Variants in ST8SIA5 observed in about 807,000 individuals in gnomAD.
ST8SIA5 encodes alpha-2,8-sialyltransferase 8E.
A neutral mutation model predicts 40.2 loss-of-function variants in ST8SIA5; 24 were observed. That is an observed-to-expected ratio of 0.60 (90% CI 0.43 to 0.84). The LOEUF is 0.84. Among genes scored for constraint, ST8SIA5 ranks in the 40% least tolerant of loss-of-function variants. The probability of loss-of-function intolerance (pLI) is 0.00; values close to 1 mark genes in which losing one functional copy is unlikely to be tolerated. For synonymous variants in ST8SIA5, 198 were observed against 201.8 expected, an observed-to-expected ratio of 0.98 and a Z score of 0.16; for missense variants, 465 against 498.5, an observed-to-expected ratio of 0.93 and a Z score of 0.64.
intron 1 of ST8SIA5, among the ~76,000 whole-genome samples, 194 bp from the exon 2 acceptor site, chr18:46,704,858 T>C (rs1031877605): frequency 1.3e-5 from 2 of 152,194 alleles, no homozygotes; most frequent in African/African-American, 4.8e-5. Flanking sequence ...GGTGGTCAGT[T>C]ACTCTCAGCG....
rs928235833 is a variant in ST8SIA5 at position 46,756,546 on chromosome 18, G to A, written c.-38C>T. ...GCGCCGCGGGCGCGGGGTACGGGGCGGCCAGGCAATGACTCGCGGGGTTCC... is the reference window on the plus strand; with the variant it reads ...GCGCCGCGGGCGCGGGGTACGGGGCAGCCAGGCAATGACTCGCGGGGTTCC... On this transcript the variant is annotated 5_prime_UTR_variant, in exon 1 of 7. Transcript: ENST00000315087. The A allele has an allele frequency of 5.0e-6, 8 of 1,607,878 alleles. No homozygotes were observed. In the East Asian group the frequency reaches 1.8e-4, roughly 36 times the overall value.
rs765551790 is a variant in ST8SIA5, at chr18:46,680,010, C to T, written c.*32G>A. On this transcript the variant is annotated 3_prime_UTR_variant, in exon 7 of 7. Coordinates refer to ENST00000315087, the MANE Select transcript of ST8SIA5 (RefSeq NM_013305.6). Reference sequence around the variant, plus strand: ...CCAGGAGGGACAGCAGGAGAGGGGGCGCCGCTTGCCGGGCAGCCTGGCTGG... The same window carrying T: ...CCAGGAGGGACAGCAGGAGAGGGGGTGCCGCTTGCCGGGCAGCCTGGCTGG... 8.9e-6 allele frequency: 14 copies of T among 1,570,390 alleles called. No homozygotes were observed. Among genetic ancestry groups the T allele is most frequent in the African/African-American group, 4.0e-5 (3 of 74,318 alleles).
At position 46,756,522 on chromosome 18, in the gene ST8SIA5, C is replaced by A. The variant is rs183939959; in HGVS notation, c.-14G>T. 3,356 of 1,611,406 alleles carry A rather than the reference C, an allele frequency of 2.1e-3. 29 individuals are homozygous for A. In the African/African-American group the frequency reaches 0.021, roughly 10 times the overall value. On this transcript the variant is annotated 5_prime_UTR_variant, in exon 1 of 7. Transcript: ENST00000315087. ...CGCGTAGCGCATCCTGGCTACCGGGCGCCGCGGGCGCGGGGTACGGGGCGG... is the reference window on the plus strand; with the variant it reads ...CGCGTAGCGCATCCTGGCTACCGGGAGCCGCGGGCGCGGGGTACGGGGCGG...
rs866850551 is a variant in ST8SIA5, at chr18:46,719,446, A to G, written c.132-14782T>C. Among the ~76,000 whole-genome samples the G allele has an allele frequency of 4.6e-5, 7 of 152,314 alleles. No individual in the cohort carries two copies. The South Asian group carries it at 8.3e-4, about 18-fold the overall frequency. On this transcript the variant is annotated intron_variant, in intron 1 of 6. Coordinates refer to ENST00000315087, the MANE Select transcript of ST8SIA5 (RefSeq NM_013305.6). ...ATGGACAAAAACAGGTAACAGGAAG[A>G]AAGGCAGAGGAGAACACAGGTGCAG...
At position 46,723,501 on chromosome 18, in the gene ST8SIA5, G is replaced by A. The variant is rs563762613; in HGVS notation, c.132-18837C>T. ...TGGGAGGTGGAGGTTGAAGTAAGCC[G>A]AGATCACACTACTGCACTCTAGCCT... On this transcript the variant is annotated intron_variant, in intron 1 of 6. Coordinates refer to ENST00000315087, the MANE Select transcript of ST8SIA5 (RefSeq NM_013305.6). Among the ~76,000 whole-genome samples, 27 of 151,334 alleles carry A rather than the reference G, an allele frequency of 1.8e-4. 1 individual carries two copies. Among genetic ancestry groups the A allele is most frequent in the Middle Eastern group, 3.4e-3 (1 of 292 alleles).
chr18:46,686,054 G>T (rs1029973493), intron 5 of ST8SIA5, 120 bp downstream of exon 5: 1 of 901,286 alleles, frequency 1.1e-6, no homozygotes, highest in Non-Finnish European at 1.8e-6. Flanking sequence ...AGACCTGAGG[G>T]TCTGCAGGGG....
At chr18:46,699,481 G>A (rs1053810654) in intron 2 of ST8SIA5, among the ~76,000 whole-genome samples, 100 of 151,926 alleles carry the variant, frequency 6.6e-4, no homozygotes, top group Non-Finnish European at 7.8e-4. Flanking sequence ...CTGGGTTCAC[G>A]CCATTCTCCT....
intron 1 of ST8SIA5, among the ~76,000 whole-genome samples, chr18:46,715,438 G>A (rs1002642891): frequency 7.9e-5 from 12 of 152,224 alleles, no homozygotes; most frequent in Admixed American, 7.2e-4. Context: ...GGAGGGAGGA[G>A]GACACAGAAG....
At chr18:46,721,038 G>A (rs2039856852) in intron 1 of ST8SIA5, among the ~76,000 whole-genome samples, 1 of 152,046 alleles carries the variant, frequency 6.6e-6, no homozygotes. Flanking sequence ...CTTGCTGGCT[G>A]ATATCCGAAA....
intron 3 of ST8SIA5, chr18:46,691,879 A>G (rs1336265120): frequency 1.4e-5 from 6 of 427,308 alleles, no homozygotes; most frequent in South Asian, 1.2e-4. Flanking sequence ...TTCCCTGCTA[A>G]TAGCTTCAGT....
intron 1 of ST8SIA5, among the ~76,000 whole-genome samples, chr18:46,719,848 T>C (rs200662429): frequency 2.4e-5 from 3 of 123,990 alleles, no homozygotes; most frequent in African/African-American, 2.9e-5. Flanking sequence ...CTCTCTCTCT[T>C]TCTTTTTTTT....
intron 1 of ST8SIA5, among the ~76,000 whole-genome samples, chr18:46,716,089 T>TAGAC (rs2039786707): frequency 9.0e-6 from 1 of 111,288 alleles, no homozygotes; most frequent in Non-Finnish European, 1.7e-5. Flanking sequence ...TCACACAGGA[T>TAGAC]AGATAGATAG....
chr18:46,691,856 C>T (rs188154077), intron 3 of ST8SIA5: 14 of 378,758 alleles, frequency 3.7e-5, no homozygotes, highest in Non-Finnish European at 6.1e-5. Context: ...TGCTGGAGAC[C>T]GCCCACACAT....
intron 2 of ST8SIA5, among the ~76,000 whole-genome samples, chr18:46,692,822 C>T (rs2039520108): frequency 6.6e-6 from 1 of 151,970 alleles, no homozygotes; most frequent in Non-Finnish European, 1.5e-5. Context: ...AATCAGAGCC[C>T]ACACCCTCAA....
Position 46,680,518 on chromosome 18 carries a change from G to A in ST8SIA5, c.663-8C>T. 1 of 1,566,858 alleles carries A rather than the reference G, an allele frequency of 6.4e-7. No homozygotes were observed. Among genetic ancestry groups the A allele is most frequent in the Non-Finnish European group, 8.7e-7 (1 of 1,152,556 alleles). On this transcript the variant is annotated splice_region_variant and splice_polypyrimidine_tract_variant and intron_variant, in intron 6 of 6. Coordinates refer to ENST00000315087, the MANE Select transcript of ST8SIA5 (RefSeq NM_013305.6). Reference sequence around the variant, plus strand: ...TTCTCCAGCTTGTGGAACCTACACAGGGCGCGAGTGAGAGGTGAGCACCCA... The same window carrying A: ...TTCTCCAGCTTGTGGAACCTACACAAGGCGCGAGTGAGAGGTGAGCACCCA...
chr18:46,686,436 T>C, intron 4 of ST8SIA5, 150 bp from the exon 5 acceptor site: 1 of 665,150 alleles, frequency 1.5e-6, no homozygotes, highest in South Asian at 1.7e-5. Context: ...GCTTTCCACT[T>C]TACAGATGGG....
chr18:46,682,710 C>T (rs1232606002), intron 5 of ST8SIA5, among the ~76,000 whole-genome samples: 6 of 152,142 alleles, frequency 3.9e-5, no homozygotes, highest in Non-Finnish European at 5.9e-5. Context: ...GGAGCCATTG[C>T]CCTGAGTTAT....
intron 1 of ST8SIA5, among the ~76,000 whole-genome samples, chr18:46,715,184 T>A (rs2039774650): frequency 6.6e-6 from 1 of 152,162 alleles, no homozygotes; most frequent in Admixed American, 6.5e-5. Flanking sequence ...TGGCCCTTTT[T>A]CCCTCCTTTT....
At chr18:46,706,271 T>C (rs1287079739) in intron 1 of ST8SIA5, among the ~76,000 whole-genome samples, 1 of 152,222 alleles carries the variant, frequency 6.6e-6, no homozygotes, top group Non-Finnish European at 1.5e-5. Context: ...TAGACCAAGT[T>C]AATAAGAACT....
Sources: gnomAD v4.1 joint callset for allele counts (sites outside exome capture counted in the v4.1 genomes callset) on GRCh38, gnomAD v4.1.1 for gene constraint, MANE v1.5 for transcripts, NCBI Gene and HGNC (gene_info 2026-07-23, HGNC 2026-07-21) for gene names.